The following ANKFN1 variants were observed in gnomAD, a reference collection of about 807,000 sequenced individuals.
ANKFN1 encodes ankyrin repeat and fibronectin type-III domain-containing protein 1.
Under a neutral mutation model 108.7 loss-of-function variants are expected in ANKFN1, and 74 were observed. The ratio of observed to expected loss-of-function variants is 0.68; its 90% CI spans 0.56 to 0.83. The LOEUF (loss-of-function observed/expected upper bound fraction) is 0.83. ANKFN1 is among the 40% of genes least tolerant of loss of function. ANKFN1 has a pLI of 0.00. For missense variants in ANKFN1, 1,505 were observed against 1,382.3 expected (o/e 1.09, Z -1.41); for synonymous variants, 547 against 516.2 (o/e 1.06, Z -0.81).
chr17:56,389,497 C>T (rs2047369330), intron 8 of ANKFN1, among the ~76,000 whole-genome samples: 1 of 152,166 alleles, frequency 6.6e-6, no homozygotes, highest in Non-Finnish European at 1.5e-5. Context: ...GATAGGTAGG[C>T]ATGTGTGTTG....
At chr17:56,269,574 C>A (rs1399863694) in intron 3 of ANKFN1, among the ~76,000 whole-genome samples, 1 of 152,196 alleles carries the variant, frequency 6.6e-6, no homozygotes. Context: ...ATAGAGTCAG[C>A]TCTTGCCATC....
intron 8 of ANKFN1, among the ~76,000 whole-genome samples, chr17:56,395,778 G>T (rs552785145): frequency 1.3e-5 from 2 of 152,104 alleles, no homozygotes; most frequent in African/African-American, 4.8e-5. Context: ...GAACCCGGAA[G>T]GTGGAGGTTG....
chr17:56,123,339 G>T (rs962284256), intron 4 of ANKFN1, among the ~76,000 whole-genome samples: 1 of 152,210 alleles, frequency 6.6e-6, no homozygotes, highest in Non-Finnish European at 1.5e-5. Context: ...GAGAGATGGG[G>T]CTGAAACATC....
rs150757550 is a variant in ANKFN1, at chr17:56,347,754, G to C, written c.189-3012G>C. Among the ~76,000 whole-genome samples, 441 of 152,200 alleles carry C rather than the reference G, an allele frequency of 2.9e-3. 2 individuals carry two copies. Among genetic ancestry groups the C allele is most frequent in the African/African-American group, 0.01 (430 of 41,548 alleles). On this transcript the variant is annotated intron_variant, in intron 4 of 20. Coordinates refer to ENST00000682825, the MANE Select transcript of ANKFN1 (RefSeq NM_001370326.1). Reference sequence around the variant, plus strand: ...AGCCTGGAAGGAAGGGACAGCTGGGGGAGGATGAGAAGGAAGTCAGAGAGA... The same window carrying C: ...AGCCTGGAAGGAAGGGACAGCTGGGCGAGGATGAGAAGGAAGTCAGAGAGA...
chr17:56,381,676 A>G (rs184339231), intron 8 of ANKFN1, among the ~76,000 whole-genome samples: 4 of 152,242 alleles, frequency 2.6e-5, no homozygotes, highest in African/African-American at 9.6e-5. Context: ...AACTGGAAGA[A>G]AGGGTATCAG....
chr17:56,510,832 C>T lies in ANKFN1; in HGVS notation c.3004C>T (p.Pro1002Ser). ...PPLGFLGKRK[P>S]GKHPHYGGFS... ...GCTAGGCTTCCTGGGAAAGCGGAAG[C>T]CAGGCAAGCACCCCCACTATGGCGG... Residue 1002 changes from proline to serine, a missense_variant, in exon 21 of 21, where the codon CCA becomes TCA. Pro to Ser is a moderately conservative substitution (Grantham distance 74). Transcript: ENST00000682825. The T allele has an allele frequency of 6.5e-7, 1 of 1,536,188 alleles. No homozygotes were observed. The highest frequency in any genetic ancestry group is 8.7e-7 in the Non-Finnish European group (1 of 1,146,916).
intron 3 of ANKFN1, among the ~76,000 whole-genome samples, chr17:56,263,162 C>A (rs1393150744): frequency 6.6e-6 from 1 of 152,154 alleles, no homozygotes; most frequent in Admixed American, 6.5e-5. Flanking sequence ...GACATAAGAT[C>A]GATTGGCCAT....
At chr17:56,491,390 G>T (rs1446185600) in intron 18 of ANKFN1, among the ~76,000 whole-genome samples, 2 of 152,038 alleles carry the variant, frequency 1.3e-5, no homozygotes, top group African/African-American at 4.8e-5. Context: ...CCAAAGTTAC[G>T]GTATAAGATC....
chr17:56,088,426 T>C (rs1305704379), intron 4 of ANKFN1, among the ~76,000 whole-genome samples: 2 of 151,388 alleles, frequency 1.3e-5, no homozygotes, highest in African/African-American at 4.9e-5. Flanking sequence ...AGATGGCTGG[T>C]GGCTCCAGTG....
At chr17:56,228,181 G>A (rs535130873) in intron 3 of ANKFN1, 101 of 459,466 alleles carry the variant, frequency 2.2e-4, no homozygotes, top group South Asian at 3.5e-4. Context: ...ACAATATTAC[G>A]TCTAAAGGTA....
At chr17:56,172,138 T>G (rs763742141) in intron 1 of ANKFN1, among the ~76,000 whole-genome samples, 1 of 152,204 alleles carries the variant, frequency 6.6e-6, no homozygotes, top group Non-Finnish European at 1.5e-5. Flanking sequence ...TTATCCTCAC[T>G]TTATGAATGA....
intron 4 of ANKFN1, among the ~76,000 whole-genome samples, chr17:56,337,037 G>C (rs1380126554): frequency 6.6e-6 from 1 of 152,160 alleles, no homozygotes; most frequent in African/African-American, 2.4e-5. Flanking sequence ...TTTTGGGAAA[G>C]TTTCTTAATC....
At chr17:56,309,479 T>C (rs1330462766) in intron 3 of ANKFN1, among the ~76,000 whole-genome samples, 1 of 152,194 alleles carries the variant, frequency 6.6e-6, no homozygotes. Context: ...TTTTATCTTT[T>C]AAAAGACATT....
At chr17:56,153,656 G>A in intron 1 of ANKFN1, 126 bp downstream of exon 1, 1 of 1,305,122 alleles carries the variant, frequency 7.7e-7, no homozygotes, top group Non-Finnish European at 1.1e-6. Flanking sequence ...GAGCATCCAT[G>A]GTCAGGCAGA....
intron 4 of ANKFN1, among the ~76,000 whole-genome samples, chr17:56,347,553 C>A (rs2046137870): frequency 6.6e-6 from 1 of 151,952 alleles, no homozygotes; most frequent in Admixed American, 6.6e-5. Flanking sequence ...TTGTCTCTTT[C>A]CATAAGGGTA....
At chr17:56,069,406 T>C (rs531141049) in intron 4 of ANKFN1, among the ~76,000 whole-genome samples, 97 of 152,168 alleles carry the variant, frequency 6.4e-4, no homozygotes, top group Non-Finnish European at 1.1e-3. Flanking sequence ...GAAGAGTACA[T>C]TTAAGGGAGA....
rs33957848 is a variant in ANKFN1, at chr17:56,300,590, GTT to G, written c.54-25616_54-25615del. On this transcript the variant is annotated intron_variant, in intron 3 of 20. Coordinates refer to ENST00000682825, the MANE Select transcript of ANKFN1 (RefSeq NM_001370326.1). ...CTCTCTCCCTTAGACACAGGAAATT[GTT>G]TTTTTTTTTTTTTTAAAGAAAACGA... Among the ~76,000 whole-genome samples, 156 of 131,638 alleles carry G rather than the reference GTT, an allele frequency of 1.2e-3. 2 individuals carry two copies. Among genetic ancestry groups the G allele is most frequent in the African/African-American group, 3.7e-3 (140 of 37,702 alleles). The allele number at this position is 131,638 out of a possible 152,430, so 86.4% of individuals were successfully genotyped here. A position where few individuals can be genotyped will look rare whatever the true frequency, so the allele number is the denominator to read the frequency against.
At chr17:56,152,357 T>A (rs1340568959), upstream of ANKFN1, among the ~76,000 whole-genome samples, 1 of 151,812 alleles carries the variant, frequency 6.6e-6, no homozygotes, top group Admixed American at 6.6e-5. Flanking sequence ...TCACTCCATG[T>A]TAAGCCCAGA....
intron 4 of ANKFN1, among the ~76,000 whole-genome samples, chr17:56,115,614 C>T (rs1906221071): frequency 6.6e-6 from 1 of 152,008 alleles, no homozygotes; most frequent in African/African-American, 2.4e-5. Flanking sequence ...AATTTTAAAA[C>T]AAAATTTAAT....
Sources: allele counts gnomAD v4.1 joint callset (sites outside exome capture counted in the v4.1 genomes callset), GRCh38; gene constraint gnomAD v4.1.1; transcripts MANE v1.5; gene names NCBI Gene and HGNC (gene_info 2026-07-23, HGNC 2026-07-21).